The following RANBP2 variants were observed in gnomAD, a reference collection of about 807,000 sequenced individuals.
RANBP2 encodes the protein RAN binding protein 2, also known as E3 SUMO-protein ligase RanBP2.
In RANBP2, 57 loss-of-function variants were observed where a neutral mutation model predicts 303.6. The ratio of observed to expected loss-of-function variants is 0.19; its 90% CI spans 0.15 to 0.23. The LOEUF is 0.23. Among genes scored for constraint, RANBP2 ranks in the 10% least tolerant of loss-of-function variants. The pLI is 1.00. For missense variants in RANBP2, 3,138 were observed against 3,780.8 expected (o/e 0.83, Z 4.46); for synonymous variants, 1,167 against 1,301.5 (o/e 0.90, Z 2.23).
downstream of RANBP2, chr2:108,788,233 A>G (rs953876393): frequency 4.1e-6 from 3 of 737,516 alleles, no homozygotes; most frequent in Middle Eastern, 4.5e-4. Context: ...ACTCAGGCCA[A>G]CATAGTGAAA....
At chr2:109,528,197 G>A in the RANBP2 span, among the ~76,000 whole-genome samples, 3 of 152,206 alleles carry the variant, frequency 2.0e-5, no homozygotes, top group African/African-American at 7.2e-5. Flanking sequence ...CACGTCACCA[G>A]GTAAAGTTTC....
chr2:108,735,983 T>A, intron 5 of RANBP2, 121 bp from the exon 6 acceptor site: 1 of 1,599,036 alleles, frequency 6.3e-7, no homozygotes, highest in Non-Finnish European at 8.5e-7. Flanking sequence ...AAGGTCGATA[T>A]AAAAATCAAT....
At chr2:109,583,203 A>G in the RANBP2 span, among the ~76,000 whole-genome samples, 1 of 152,372 alleles carries the variant, frequency 6.6e-6, no homozygotes, top group Non-Finnish European at 1.5e-5. Context: ...ACATAGCAAA[A>G]CAAACCATCA....
At chr2:109,353,079 T>A in the RANBP2 span, among the ~76,000 whole-genome samples, 1 of 152,210 alleles carries the variant, frequency 6.6e-6, no homozygotes. Context: ...CTGTGCCACA[T>A]GGAGCCTCTG....
the RANBP2 span, among the ~76,000 whole-genome samples, chr2:109,196,239 T>C: frequency 1.3e-5 from 2 of 152,298 alleles, no homozygotes; most frequent in Admixed American, 1.3e-4. Flanking sequence ...CGGCAGAGAC[T>C]GCCCACCCTC....
the RANBP2 span, among the ~76,000 whole-genome samples, chr2:108,800,545 G>T: frequency 6.7e-6 from 1 of 149,916 alleles, no homozygotes; most frequent in South Asian, 2.1e-4. Context: ...GATCACAGGC[G>T]TGCCTGGCCA....
chr2:109,220,087 A>G, the RANBP2 span, among the ~76,000 whole-genome samples: 1 of 152,258 alleles, frequency 6.6e-6, no homozygotes, highest in South Asian at 2.1e-4. Flanking sequence ...ATATAAACCA[A>G]TGGAATACAA....
intron 18 of RANBP2, among the ~76,000 whole-genome samples, chr2:108,759,199 G>A (rs1676545763): frequency 6.6e-6 from 1 of 151,798 alleles, no homozygotes; most frequent in Non-Finnish European, 1.5e-5. Context: ...TGTTTACTGT[G>A]GGTTGGCTAT....
chr2:109,297,385 C>T, the RANBP2 span, among the ~76,000 whole-genome samples: 1 of 152,072 alleles, frequency 6.6e-6, no homozygotes, highest in Non-Finnish European at 1.5e-5. Context: ...AGATTCTGCC[C>T]CCCAGGGGAG....
the RANBP2 span, among the ~76,000 whole-genome samples, chr2:109,521,331 C>T: frequency 0.4 from 60,824 of 152,076 alleles, 12,848 homozygotes; most frequent in Middle Eastern, 0.57. Flanking sequence ...GCAGCAGTGT[C>T]CCAGGCTGTA....
the RANBP2 span, among the ~76,000 whole-genome samples, chr2:109,364,998 GA>G: frequency 6.6e-6 from 1 of 152,160 alleles, no homozygotes; most frequent in African/African-American, 2.4e-5. Flanking sequence ...GACTGAGGCA[GA>G]AGGATCGTGA....
chr2:108,972,408 G>A, the RANBP2 span, among the ~76,000 whole-genome samples: 1 of 152,212 alleles, frequency 6.6e-6, no homozygotes, highest in African/African-American at 2.4e-5. Context: ...CACGGGCCCT[G>A]GAGCCCTTGC....
At chr2:108,998,875 CCTGAAGG>C in the RANBP2 span, among the ~76,000 whole-genome samples, 8 of 152,320 alleles carry the variant, frequency 5.3e-5, 1 homozygote, top group African/African-American at 1.4e-4. Flanking sequence ...TGTCCTCTAG[CCTGAAGG>C]CTGAAAGCTG....
chr2:109,495,477 C>CTTTTTTT, the RANBP2 span, among the ~76,000 whole-genome samples: 465 of 94,218 alleles, frequency 4.9e-3, 46 homozygotes, highest in African/African-American at 0.016. Context: ...TCTTTCATTC[C>CTTTTTTT]TTTTTTTTTT....
chr2:109,408,664 G>A, the RANBP2 span, among the ~76,000 whole-genome samples: 21 of 152,258 alleles, frequency 1.4e-4, no homozygotes, highest in Non-Finnish European at 2.1e-4. Flanking sequence ...CAGACAGAAG[G>A]ATGGATAGAC....
chr2:109,684,259 T>TTTTTTTTTTTTTTG, the RANBP2 span, among the ~76,000 whole-genome samples: 1 of 147,340 alleles, frequency 6.8e-6, no homozygotes. Flanking sequence ...TTTTTTTTTT[T>TTTTTTTTTTTTTTG]GAGGCAGCGT....
the RANBP2 span, among the ~76,000 whole-genome samples, chr2:108,843,980 T>G: frequency 1.5e-5 from 2 of 134,136 alleles, no homozygotes; most frequent in African/African-American, 2.7e-5. Flanking sequence ...AGCCTCACCC[T>G]CCTGGGCTCA....
the RANBP2 span, chr2:109,251,349 G>A: frequency 1.1e-5 from 6 of 558,514 alleles, no homozygotes; most frequent in Admixed American, 4.7e-5. Flanking sequence ...CAAGACACCC[G>A]GCCTGCCGCG....
chr2:108,763,145 T>A, intron 19 of RANBP2, 92 bp from the exon 20 acceptor site: 2 of 1,357,480 alleles, frequency 1.5e-6, no homozygotes, highest in Non-Finnish European at 2.1e-6. Flanking sequence ...TCACTTCATA[T>A]TCATGTTTGA....
Sources: gnomAD v4.1 joint callset for allele counts (sites outside exome capture counted in the v4.1 genomes callset) on GRCh38, gnomAD v4.1.1 for gene constraint, MANE v1.5 for transcripts, NCBI Gene and HGNC (gene_info 2026-07-23, HGNC 2026-07-21) for gene names.